Variants in GP2 observed in about 807,000 individuals in gnomAD.
GP2 encodes glycoprotein 2.
GP2 carries 58 observed loss-of-function variants against 60.8 expected under a neutral mutation model. The ratio of observed to expected loss-of-function variants is 0.95; its 90% confidence interval spans 0.77 to 1.19. The LOEUF is 1.19. Among genes scored for constraint, GP2 ranks in the 50% most tolerant of loss-of-function variants. The probability of loss-of-function intolerance (pLI) is 0.00; values close to 1 mark genes in which losing one functional copy is unlikely to be tolerated. For synonymous variants in GP2, 280 were observed against 253.4 expected, an observed-to-expected ratio of 1.10 and a Z score of -1.00; for missense variants, 647 against 667.4, an observed-to-expected ratio of 0.97 and a Z score of 0.34.
Position 20,317,385 on chromosome 16 carries a change from T to C in GP2, c.1254-10A>G. On this transcript the variant is annotated splice_polypyrimidine_tract_variant and intron_variant, in intron 7 of 10. Transcript: ENST00000302555. The stretch of plus-strand genomic sequence containing the variant: ...ACGTTGATTTGAGCAGCTGGGAGGG[T>C]GACAGGGGCAAAGGTGTAACTTCTA... 1.9e-6 allele frequency: 3 copies of C among 1,610,900 alleles called. No individual in the cohort carries two copies. The highest frequency in any genetic ancestry group is 2.5e-6 in the Non-Finnish European group (3 of 1,177,578).
chr16:20,321,800 A>G (rs966908525), intron 4 of GP2, among the ~76,000 whole-genome samples: 1 of 152,144 alleles, frequency 6.6e-6, no homozygotes, highest in Non-Finnish European at 1.5e-5. Context: ...TCTGCAAGCA[A>G]TGGGGCCCAC....
intron 6 of GP2, among the ~76,000 whole-genome samples, chr16:20,319,217 T>G (rs1181815720): frequency 1.3e-5 from 2 of 152,158 alleles, no homozygotes; most frequent in African/African-American, 4.8e-5. Context: ...CCCTGTTCCC[T>G]GCTCCCAAAG....
In GP2 at chr16:20,323,841, G is replaced by C; in HGVS notation, c.510C>G (p.Pro170=). ...CTGTGCAGTATCTCAGATTACACCA[G>C]GGAGTGCCTTCCAACCGGTACACAT... The part of the protein sequence containing the change: ...GYHVYRLEGT[P]WCNLRYCTDP... Residue 170 remains proline, a synonymous_variant, in exon 3 of 11, where the codon CCC becomes CCG. Transcript: ENST00000302555. 6.2e-7 allele frequency: 1 copy of C among 1,612,942 alleles called. No individual in the cohort carries two copies. Among genetic ancestry groups the C allele is most frequent in the East Asian group, 2.2e-5 (1 of 44,840 alleles).
In GP2 at chr16:20,324,061, C is replaced by G; in HGVS notation, c.290G>C (p.Gly97Ala). ...KNMSGWYRFV[G>A]EGGVRMSETC... The stretch of plus-strand genomic sequence containing the variant: ...CTCCGACATCCTTACTCCTCCTTCC[C>G]CTACAAAGCGGTACCAGCCGCTCAT... The change falls in exon 3 of 11, where the codon GGG becomes GCG. Residue 97 changes from glycine (G) to alanine (A), a missense_variant. By Grantham distance (60) the Gly-to-Ala change is moderately conservative. Transcript: ENST00000302555. 6.2e-7 allele frequency: 1 copy of G among 1,614,052 alleles called. No individual in the cohort carries two copies. The highest frequency in any genetic ancestry group is 8.5e-7 in the Non-Finnish European group (1 of 1,179,864).
intron 10 of GP2, among the ~76,000 whole-genome samples, chr16:20,314,287 G>A (rs1229355777): frequency 6.9e-6 from 1 of 144,754 alleles, no homozygotes; most frequent in Non-Finnish European, 1.5e-5. Context: ...AAAAAGAAAT[G>A]AATTTCTTTT....
intron 2 of GP2, 121 bp from the exon 3 acceptor site, chr16:20,324,377 G>T (rs533531607): frequency 3.2e-6 from 2 of 624,404 alleles, no homozygotes; most frequent in Admixed American, 6.0e-5. Flanking sequence ...TACACACACG[G>T]TCCATTAATT....
At chr16:20,317,936 A>T (rs1352535924) in intron 7 of GP2, among the ~76,000 whole-genome samples, 1 of 152,100 alleles carries the variant, frequency 6.6e-6, no homozygotes, top group Non-Finnish European at 1.5e-5. Context: ...TTGATTCCCT[A>T]TTTTTGAACA....
intron 2 of GP2, 37 bp from the exon 3 acceptor site, chr16:20,324,293 C>A: frequency 7.2e-7 from 1 of 1,387,454 alleles, no homozygotes; most frequent in Non-Finnish European, 1.0e-6. Flanking sequence ...GTTTACTGAG[C>A]AATGCCAGAA....
chr16:20,327,440 C>T, intron 1 of GP2, 27 bp downstream of exon 1: 1 of 1,268,896 alleles, frequency 7.9e-7, no homozygotes, highest in Non-Finnish European at 1.0e-6. Context: ...TAGGAGGAAG[C>T]CTCCTGGGGC....
rs916814071 is a variant in GP2, at chr16:20,309,671, A to G, written c.*1552T>C. 3 of 152,192 alleles carry G rather than the reference A, an allele frequency of 2.0e-5. No homozygotes were observed. The highest frequency in any genetic ancestry group is 7.2e-5 in the African/African-American group (3 of 41,436). The allele number at this position is 152,192 out of a possible 1,614,324, so 9.4% of individuals were successfully genotyped here. A position where few individuals can be genotyped will look rare whatever the true frequency, so the allele number is the denominator to read the frequency against. ...AAACAAAAGCGATGCAAAAATACACAGTCATAAAAGGCTATGTGGCTTCAG... is the reference window on the plus strand; with the variant it reads ...AAACAAAAGCGATGCAAAAATACACGGTCATAAAAGGCTATGTGGCTTCAG... On this transcript the variant is annotated 3_prime_UTR_variant, in exon 11 of 11. Transcript: ENST00000302555.
rs74011916 is a variant in GP2, at chr16:20,324,378, T to A, written c.95-122A>T. 394 of 624,010 alleles carry A rather than the reference T, an allele frequency of 6.3e-4. 1 individual carries two copies. In the African/African-American group the frequency reaches 6.3e-3, roughly 10 times the overall value. 38.7% of individuals were successfully genotyped at this position (624,010 alleles called of 1,614,324 possible). On this transcript the variant is annotated intron_variant, in intron 2 of 10. Coordinates refer to ENST00000302555, the MANE Select transcript of GP2 (RefSeq NM_001502.4). Reference sequence around the variant, plus strand: ...TCCAATGAGGACAATACACACACGGTCCATTAATTAAACATCAACTTCATC... The same window carrying A: ...TCCAATGAGGACAATACACACACGGACCATTAATTAAACATCAACTTCATC...
At chr16:20,322,145 CT>C (rs1964381906) in intron 4 of GP2, among the ~76,000 whole-genome samples, 1 of 152,236 alleles carries the variant, frequency 6.6e-6, no homozygotes, top group Non-Finnish European at 1.5e-5. Context: ...CCTTCTTGTC[CT>C]GCTGCCTAGA....
In GP2 at chr16:20,323,036, G is replaced by A. The variant is rs1182717606; in HGVS notation, c.536-57C>T. The A allele has an allele frequency of 5.2e-6, 5 of 958,154 alleles. No homozygotes were observed. The South Asian group carries it at 5.4e-5, about 10-fold the overall frequency. The allele number at this position is 958,154 out of a possible 1,614,324, so 59.4% of individuals were successfully genotyped here. On this transcript the variant is annotated intron_variant, in intron 3 of 10. Coordinates refer to ENST00000302555, the MANE Select transcript of GP2 (RefSeq NM_001502.4). The stretch of plus-strand genomic sequence containing the variant: ...GGATGCAGTGCGGGCTGGACTTGAG[G>A]CCCCCAAGTCCAACCCTTTCATTTC...
At chr16:20,320,987 T>G (rs965563359) in intron 4 of GP2, among the ~76,000 whole-genome samples, 1 of 152,128 alleles carries the variant, frequency 6.6e-6, no homozygotes, top group South Asian at 2.1e-4. Context: ...CAGTTTCTAT[T>G]GCATTCATTA....
chr16:20,311,261 T>G lies in GP2; in HGVS notation c.1567A>C (p.Met523Leu). ...STAGFLVAWPMVLLTVLLAWL... is the reference protein window; with the variant it reads ...STAGFLVAWPLVLLTVLLAWL... ...GCCAGGAGGACAGTCAGGAGGACCA[T>G]AGGCCAGGCCACCAGGAACCCTGAA... Residue 523 changes from methionine to leucine, a missense_variant, in exon 11 of 11, where the codon ATG becomes CTG. By Grantham distance (15) the Met-to-Leu change is conservative (BLOSUM62 2). Transcript: ENST00000302555. 6.2e-7 allele frequency: 1 copy of G among 1,608,234 alleles called. No individual in the cohort carries two copies. Among genetic ancestry groups the G allele is most frequent in the Non-Finnish European group, 8.5e-7 (1 of 1,174,738 alleles).
At chr16:20,321,662 G>C (rs1251316378) in intron 4 of GP2, among the ~76,000 whole-genome samples, 2 of 152,202 alleles carry the variant, frequency 1.3e-5, no homozygotes. Flanking sequence ...AGAGGCAAAA[G>C]CATGGAGATG....
At chr16:20,311,455 A>T (rs1050353167) in intron 10 of GP2, among the ~76,000 whole-genome samples, 174 bp from the exon 11 acceptor site, 5 of 151,980 alleles carry the variant, frequency 3.3e-5, no homozygotes, top group Admixed American at 6.6e-5. Flanking sequence ...ATCACCAACC[A>T]TTTTTTTCAT....
intron 7 of GP2, 132 bp downstream of exon 7, chr16:20,318,053 G>T (rs758352792): frequency 1.4e-6 from 1 of 734,234 alleles, no homozygotes; most frequent in Admixed American, 2.1e-5. Flanking sequence ...AATCTCAGGA[G>T]TGATATTTCT....
intron 10 of GP2, among the ~76,000 whole-genome samples, chr16:20,311,498 C>G (rs758670045): frequency 9.2e-5 from 14 of 152,132 alleles, no homozygotes; most frequent in Non-Finnish European, 1.5e-4. Context: ...GCAATTTTTC[C>G]CAGTGTCCTT....
Sources: gnomAD v4.1 joint callset for allele counts (sites outside exome capture counted in the v4.1 genomes callset) on GRCh38, gnomAD v4.1.1 for gene constraint, MANE v1.5 for transcripts, NCBI Gene and HGNC (gene_info 2026-07-23, HGNC 2026-07-21) for gene names.